LNX1: variants seen among roughly 807,000 people sequenced by gnomAD.
The protein encoded by LNX1 is E3 ubiquitin-protein ligase LNX.
Under a neutral mutation model 68.4 loss-of-function variants are expected in LNX1, and 54 were observed. That is an observed-to-expected ratio of 0.79 (90% CI 0.63 to 0.99). The LOEUF (loss-of-function observed/expected upper bound fraction) is 0.99. Among genes scored for constraint, LNX1 ranks in the 50% least tolerant of loss-of-function variants. The pLI, the probability that LNX1 is intolerant of heterozygous loss-of-function variation, is 0.00. For missense variants in LNX1, 906 were observed against 926.4 expected, an observed-to-expected ratio of 0.98 and a Z score of 0.29; for synonymous variants, 336 against 350.0, an observed-to-expected ratio of 0.96 and a Z score of 0.45.
At chr4:53,587,687 C>A (rs549228391) in intron 1 of LNX1, among the ~76,000 whole-genome samples, 14 of 152,292 alleles carry the variant, frequency 9.2e-5, no homozygotes, top group South Asian at 8.3e-4. Flanking sequence ...CAAGATCCCA[C>A]CAGACCCTAT....
At chr4:53,615,253 T>C (rs1733642017) in intron 2 of LNX1, among the ~76,000 whole-genome samples, 1 of 152,170 alleles carries the variant, frequency 6.6e-6, no homozygotes, top group African/African-American at 2.4e-5. Context: ...TATGCAGCAG[T>C]AGTTGGCGAA....
At position 53,481,713 on chromosome 4, in the gene LNX1, G is replaced by C. The variant is rs776723714; in HGVS notation, c.1485+7C>G. 6.2e-7 allele frequency: 1 copy of C among 1,612,898 alleles called. No individual in the cohort carries two copies. Among genetic ancestry groups the C allele is most frequent in the Non-Finnish European group, 8.5e-7 (1 of 1,179,312 alleles). The stretch of plus-strand genomic sequence containing the variant: ...CAGGAGCAGGCGACCTGCCCTAGAG[G>C]CCTCACCTTGGGAGTGTTGCTCCTC... On this transcript the variant is annotated splice_region_variant and intron_variant, in intron 7 of 10. Transcript: ENST00000263925.
intron 2 of LNX1, among the ~76,000 whole-genome samples, chr4:53,565,044 A>ATC (rs1730563470): frequency 6.6e-6 from 1 of 152,084 alleles, no homozygotes; most frequent in East Asian, 1.9e-4. Context: ...CTGAGATCAA[A>ATC]CTGCAAGGTG....
At chr4:53,479,726 A>C (rs1196530622) in intron 7 of LNX1, among the ~76,000 whole-genome samples, 1 of 152,226 alleles carries the variant, frequency 6.6e-6, no homozygotes, top group Non-Finnish European at 1.5e-5. Flanking sequence ...TTATGGTAAA[A>C]TAGTTTAAGC....
intron 9 of LNX1, among the ~76,000 whole-genome samples, chr4:53,474,444 G>C (rs1362785680): frequency 1.3e-5 from 2 of 152,210 alleles, no homozygotes; most frequent in Non-Finnish European, 2.9e-5. Flanking sequence ...TTGCCACAGA[G>C]ACTGCGTGGC....
chr4:53,620,061 T>C (rs1042072253), upstream of LNX1, among the ~76,000 whole-genome samples: 2 of 152,208 alleles, frequency 1.3e-5, no homozygotes, highest in Non-Finnish European at 2.9e-5. Flanking sequence ...CGAAACACAT[T>C]GTGGCTTTTG....
rs951920496 is a variant in LNX1 at position 53,575,585 on chromosome 4, A to G, written c.-86-1497T>C. The G allele has an allele frequency of 4.7e-6, 6 of 1,278,920 alleles. No individual in the cohort carries two copies. The South Asian group carries it at 1.5e-4, about 32-fold the overall frequency. 79.2% of individuals were successfully genotyped at this position (1,278,920 alleles called of 1,614,324 possible). A position where few individuals can be genotyped will look rare whatever the true frequency, so the allele number is the denominator to read the frequency against. ...AAACTAGGGCTCTGGGTCAACTTTC[A>G]TGGTGATTAAGAATCCCACCTTGGG... is the stretch of plus-strand genomic sequence containing the variant. On this transcript the variant is annotated intron_variant, in intron 1 of 10. Coordinates refer to ENST00000263925, the MANE Select transcript of LNX1 (RefSeq NM_001126328.3).
At chr4:53,608,225 A>G (rs1415038572) in intron 2 of LNX1, among the ~76,000 whole-genome samples, 1 of 152,214 alleles carries the variant, frequency 6.6e-6, no homozygotes, top group African/African-American at 2.4e-5. Flanking sequence ...GCATCCTACA[A>G]ATGTCTAATA....
At chr4:53,543,394 C>A (rs12331079) in intron 2 of LNX1, among the ~76,000 whole-genome samples, 62,368 of 152,160 alleles carry the variant, frequency 0.41, 14,001 homozygotes, top group Non-Finnish European at 0.49. Context: ...CTAGAACATG[C>A]CTGATATGTC....
At position 53,492,007 on chromosome 4, in the gene LNX1, G is replaced by A. The variant is rs568867987; in HGVS notation, c.1350+4016C>T. ...TCACCCTGTTGACCAGGCTGGTCTCGAACTCCTGACCTCAGGTGACCCACC... is the reference window on the plus strand; with the variant it reads ...TCACCCTGTTGACCAGGCTGGTCTCAAACTCCTGACCTCAGGTGACCCACC... On this transcript the variant is annotated intron_variant, in intron 6 of 10. Coordinates refer to ENST00000263925, the MANE Select transcript of LNX1 (RefSeq NM_001126328.3). 1.4e-3 allele frequency among the ~76,000 whole-genome samples: 211 copies of A among 152,094 alleles called. 2 individuals carry two copies. Among genetic ancestry groups the A allele is most frequent in the Non-Finnish European group, 2.5e-3 (169 of 67,972 alleles).
chr4:53,497,051 C>T (rs768344704), intron 5 of LNX1, among the ~76,000 whole-genome samples: 54 of 152,170 alleles, frequency 3.5e-4, no homozygotes, highest in Admixed American at 2.6e-4. Context: ...AGGAAGAAAT[C>T]CTTGCACAGT....
At chr4:53,479,644 TATC>T (rs200764921) in intron 7 of LNX1, among the ~76,000 whole-genome samples, 2 of 151,950 alleles carry the variant, frequency 1.3e-5, no homozygotes, top group Admixed American at 6.6e-5. Context: ...CTTTTCTATC[TATC>T]TTTTTTCGCC....
chr4:53,496,964 T>C (rs2109472490), intron 5 of LNX1, among the ~76,000 whole-genome samples: 1 of 152,256 alleles, frequency 6.6e-6, no homozygotes, highest in South Asian at 2.1e-4. Flanking sequence ...CGTGTGATAC[T>C]GTGTGTGTGC....
intron 2 of LNX1, among the ~76,000 whole-genome samples, chr4:53,554,213 A>C (rs1729721694): frequency 6.6e-6 from 1 of 152,228 alleles, no homozygotes; most frequent in Non-Finnish European, 1.5e-5. Context: ...TCTCCTGTCC[A>C]GCCCGCTGCC....
At chr4:53,614,997 A>G (rs1160493040) in intron 2 of LNX1, among the ~76,000 whole-genome samples, 1 of 152,018 alleles carries the variant, frequency 6.6e-6, no homozygotes, top group African/African-American at 2.4e-5. Flanking sequence ...AACACCGAGA[A>G]TGAGAATAAA....
upstream of LNX1, chr4:53,591,633 C>T (rs1732510875): frequency 1.4e-5 from 13 of 953,786 alleles, no homozygotes; most frequent in East Asian, 1.2e-4. Flanking sequence ...GGAGGCCCCG[C>T]CCACCTGTCA....
intron 2 of LNX1, among the ~76,000 whole-genome samples, chr4:53,564,635 G>A (rs1287518126): frequency 6.6e-6 from 1 of 152,142 alleles, no homozygotes; most frequent in Non-Finnish European, 1.5e-5. Context: ...ATCTTTTGGG[G>A]AGGAGCCAAG....
chr4:53,506,035 G>A (rs528963627), intron 4 of LNX1, among the ~76,000 whole-genome samples: 4 of 152,224 alleles, frequency 2.6e-5, no homozygotes, highest in African/African-American at 7.2e-5. Context: ...GGTCTGATAA[G>A]GCTGCTCATG....
chr4:53,629,278 C>T (rs143905652), intron 1 of LNX1, among the ~76,000 whole-genome samples: 3 of 152,260 alleles, frequency 2.0e-5, no homozygotes, highest in African/African-American at 7.2e-5. Flanking sequence ...TCTCCAGCCA[C>T]CCCTGGGTGC....
Sources: gnomAD v4.1 joint callset for allele counts (sites outside exome capture counted in the v4.1 genomes callset) on GRCh38, gnomAD v4.1.1 for gene constraint, MANE v1.5 for transcripts, NCBI Gene and HGNC (gene_info 2026-07-23, HGNC 2026-07-21) for gene names.